Variants in RAB38 observed in about 807,000 individuals in gnomAD.
RAB38 encodes the protein ras-related protein Rab-38.
In RAB38, 15 loss-of-function variants were observed where a neutral mutation model predicts 18.4. The ratio of observed to expected loss-of-function variants is 0.82; its 90% CI spans 0.55 to 1.26. The LOEUF (loss-of-function observed/expected upper bound fraction) is 1.26. Ranked by LOEUF, RAB38 falls within the 50% of genes most tolerant of loss-of-function variation. The probability of loss-of-function intolerance (pLI) is 0.00; values close to 1 mark genes in which losing one functional copy is unlikely to be tolerated. For synonymous variants in RAB38, 101 were observed against 104.4 expected (o/e 0.97, Z 0.20); for missense variants, 294 against 267.4 (o/e 1.10, Z -0.69).
At chr11:88,160,788 C>T (rs1943180479) in intron 1 of RAB38, among the ~76,000 whole-genome samples, 1 of 152,050 alleles carries the variant, frequency 6.6e-6, no homozygotes, top group African/African-American at 2.4e-5. Context: ...ATCAGGTAAC[C>T]ATGGACATGA....
chr11:87,914,785 T>C, the RAB38 span, among the ~76,000 whole-genome samples: 1 of 152,182 alleles, frequency 6.6e-6, no homozygotes, highest in East Asian at 1.9e-4. Flanking sequence ...CTGCATTGTT[T>C]CAGGACACTG....
At chr11:88,089,714 C>T in the RAB38 span, among the ~76,000 whole-genome samples, 9 of 151,934 alleles carry the variant, frequency 5.9e-5, no homozygotes, top group Admixed American at 5.9e-4. Flanking sequence ...TCTGGTTTCT[C>T]TGAAAACTGG....
At chr11:87,811,214 G>A in the RAB38 span, among the ~76,000 whole-genome samples, 17 of 152,202 alleles carry the variant, frequency 1.1e-4, no homozygotes, top group East Asian at 3.3e-3. Flanking sequence ...GAGTGTCCCT[G>A]GAAGTCACAC....
the RAB38 span, among the ~76,000 whole-genome samples, chr11:87,946,455 A>T: frequency 6.6e-6 from 1 of 152,078 alleles, no homozygotes; most frequent in East Asian, 1.9e-4. Context: ...TTTGTTACAT[A>T]TATATACATG....
the RAB38 span, among the ~76,000 whole-genome samples, chr11:88,036,268 A>T: frequency 2.9e-4 from 44 of 152,296 alleles, 2 homozygotes; most frequent in East Asian, 7.5e-3. Flanking sequence ...AGATTCAGTT[A>T]TATCTCTAAG....
the RAB38 span, among the ~76,000 whole-genome samples, chr11:88,027,943 C>CCTG: frequency 1.3e-5 from 2 of 152,098 alleles, no homozygotes; most frequent in African/African-American, 4.8e-5. Context: ...GTCCCTGACC[C>CCTG]ATGACCCCTG....
chr11:88,027,389 G>T, the RAB38 span, among the ~76,000 whole-genome samples: 1 of 152,154 alleles, frequency 6.6e-6, no homozygotes, highest in Non-Finnish European at 1.5e-5. Flanking sequence ...GTGGGTGCGT[G>T]CACCGTGTGC....
chr11:87,952,888 ATCAGTCT>A, the RAB38 span, among the ~76,000 whole-genome samples: 1 of 152,196 alleles, frequency 6.6e-6, no homozygotes, highest in Non-Finnish European at 1.5e-5. Context: ...TCATAAGCTC[ATCAGTCT>A]GAGATAACCA....
chr11:87,892,691 C>G, the RAB38 span, among the ~76,000 whole-genome samples: 2 of 151,718 alleles, frequency 1.3e-5, no homozygotes, highest in Non-Finnish European at 2.9e-5. Flanking sequence ...ACTTTGTCTA[C>G]TGGCATGATA....
At chr11:88,124,104 A>G (rs1469963997) in intron 2 of RAB38, among the ~76,000 whole-genome samples, 1 of 152,226 alleles carries the variant, frequency 6.6e-6, no homozygotes, top group Non-Finnish European at 1.5e-5. Flanking sequence ...AAGAAGAACC[A>G]TGTGTAAAAA....
the RAB38 span, among the ~76,000 whole-genome samples, chr11:88,006,818 G>C: frequency 1.3e-5 from 2 of 151,426 alleles, no homozygotes; most frequent in Non-Finnish European, 3.0e-5. Context: ...CAGAAGTAGA[G>C]AGTAGAATAG....
chr11:88,031,914 A>G, the RAB38 span, among the ~76,000 whole-genome samples: 3 of 151,870 alleles, frequency 2.0e-5, no homozygotes, highest in African/African-American at 7.3e-5. Flanking sequence ...AAGAGCCCGC[A>G]TCGCCAAGTC....
chr11:87,844,272 G>C, the RAB38 span, among the ~76,000 whole-genome samples: 1 of 152,096 alleles, frequency 6.6e-6, no homozygotes, highest in African/African-American at 2.4e-5. Context: ...AATTCATTTA[G>C]AACTCAAGGT....
intron 2 of RAB38, among the ~76,000 whole-genome samples, chr11:88,116,972 T>C (rs895279847): frequency 6.6e-6 from 1 of 152,140 alleles, no homozygotes; most frequent in Non-Finnish European, 1.5e-5. Context: ...TAAGCTCAAA[T>C]TAGTGGCAAC....
chr11:88,029,936 GCAC>G, the RAB38 span, among the ~76,000 whole-genome samples: 1 of 151,978 alleles, frequency 6.6e-6, no homozygotes, highest in Non-Finnish European at 1.5e-5. Flanking sequence ...ATTTTTTTCA[GCAC>G]CACACCACAC....
the RAB38 span, among the ~76,000 whole-genome samples, chr11:87,910,615 C>T: frequency 2.7e-5 from 4 of 149,436 alleles, no homozygotes; most frequent in African/African-American, 9.9e-5. Flanking sequence ...ATCTATGATC[C>T]ACTTCAAAGT....
the RAB38 span, among the ~76,000 whole-genome samples, chr11:88,089,153 A>C: frequency 6.9e-6 from 1 of 144,440 alleles, no homozygotes; most frequent in East Asian, 2.1e-4. Context: ...GGCAGATTGA[A>C]TAAGGGGCAG....
At chr11:88,047,959 C>T in the RAB38 span, among the ~76,000 whole-genome samples, 2 of 152,170 alleles carry the variant, frequency 1.3e-5, no homozygotes, top group African/African-American at 4.8e-5. Flanking sequence ...ATTTCATAAC[C>T]TCTTCCATGT....
the RAB38 span, among the ~76,000 whole-genome samples, chr11:88,089,287 G>C: frequency 6.6e-6 from 1 of 151,764 alleles, no homozygotes; most frequent in African/African-American, 2.4e-5. Context: ...GTACTTTCTG[G>C]CTGTTTCTTT....
Sources: allele counts gnomAD v4.1 joint callset (sites outside exome capture counted in the v4.1 genomes callset), GRCh38; gene constraint gnomAD v4.1.1; transcripts MANE v1.5; gene names NCBI Gene and HGNC (gene_info 2026-07-23, HGNC 2026-07-21).